TMEM14B: variants seen among roughly 807,000 people sequenced by gnomAD.
TMEM14B encodes the protein transmembrane protein 14B.
A neutral mutation model predicts 14.8 loss-of-function variants in TMEM14B; 9 were observed. The ratio of observed to expected loss-of-function variants is 0.61; its 90% CI spans 0.37 to 1.06. The LOEUF is 1.06. Among genes scored for constraint, TMEM14B ranks in the 50% least tolerant of loss-of-function variants. The probability of loss-of-function intolerance (pLI) is 0.01; values close to 1 mark genes in which losing one functional copy is unlikely to be tolerated. For synonymous variants in TMEM14B, 40 were observed against 51.3 expected (o/e 0.78, Z 0.94); for missense variants, 128 against 143.6 (o/e 0.89, Z 0.56).
downstream of TMEM14B, chr6:10,758,935 TG>T (rs34612100): frequency 7.5e-4 from 97 of 129,810 alleles, no homozygotes; most frequent in South Asian, 1.2e-3. Context: ...TTTTTTTTTT[TG>T]AGATGGAGTA....
At chr6:10,749,957 A>T (rs905885844) in intron 3 of TMEM14B, 1 of 528,530 alleles carries the variant, frequency 1.9e-6, no homozygotes, top group African/African-American at 1.9e-5. Flanking sequence ...GTAGTTTGTT[A>T]TTATCATTGA....
In TMEM14B at chr6:10,755,168, G is replaced by A; in HGVS notation, c.229G>A (p.Val77Ile). 1 of 1,614,066 alleles carries A rather than the reference G, an allele frequency of 6.2e-7. No homozygotes were observed. Among genetic ancestry groups the A allele is most frequent in the South Asian group, 1.1e-5 (1 of 91,080 alleles). Reference protein sequence around the residue: ...LAATSVTFVGVMGMRSYYYGK... With the variant: ...LAATSVTFVGIMGMRSYYYGK... ...CGCTACATCTGTTACTTTTGTTGGT[G>A]TTATGGGAATGAGATCCTACTACTA... The change falls in exon 5 of 6, where the codon GTT (valine) becomes ATT (isoleucine). Residue 77 changes from valine (V) to isoleucine (I), a missense_variant. Coordinates refer to ENST00000379542, the MANE Select transcript of TMEM14B (RefSeq NM_030969.5).
intron 4 of TMEM14B, among the ~76,000 whole-genome samples, chr6:10,753,336 G>A (rs1240216981): frequency 6.6e-6 from 1 of 152,050 alleles, no homozygotes; most frequent in African/African-American, 2.4e-5. Context: ...CTCTCCCTGA[G>A]GCTGCCAGTG....
chr6:10,751,378 G>C, intron 4 of TMEM14B, 144 bp downstream of exon 4: 1 of 879,180 alleles, frequency 1.1e-6, no homozygotes, highest in Non-Finnish European at 1.7e-6. Context: ...AGTCCTCAAA[G>C]TTTTAAAATA....
chr6:10,759,393 GA>G (rs1057404680), downstream of TMEM14B: 24 of 152,210 alleles, frequency 1.6e-4, no homozygotes, highest in Admixed American at 4.6e-4. Flanking sequence ...TGAGGCCTTT[GA>G]TATTACAAAG....
At chr6:10,749,576 A>G in intron 2 of TMEM14B, 46 bp from the exon 3 acceptor site, 1 of 1,606,970 alleles carries the variant, frequency 6.2e-7, no homozygotes, top group Non-Finnish European at 8.5e-7. Flanking sequence ...TTGTTTTTAA[A>G]TCCAGGTTAG....
chr6:10,758,717 G>T (rs1312476586), downstream of TMEM14B, among the ~76,000 whole-genome samples: 2 of 152,104 alleles, frequency 1.3e-5, no homozygotes, highest in Non-Finnish European at 2.9e-5. Context: ...CTTCACAAAG[G>T]AACCAACAGT....
At chr6:10,755,281 G>C (rs1771761466) in intron 5 of TMEM14B, 49 bp downstream of exon 5, 9 of 1,612,634 alleles carry the variant, frequency 5.6e-6, no homozygotes, top group Non-Finnish European at 7.6e-6. Flanking sequence ...TCAGTTTATT[G>C]CCCAGAATAC....
chr6:10,755,481 A>G (rs920493030), intron 5 of TMEM14B: 2 of 1,422,024 alleles, frequency 1.4e-6, no homozygotes, highest in Non-Finnish European at 1.8e-6. Flanking sequence ...TGGTGGCAGA[A>G]GTTTTATTGC....
At chr6:10,759,759 T>G (rs997659461), downstream of TMEM14B, 3 of 152,178 alleles carry the variant, frequency 2.0e-5, no homozygotes, top group South Asian at 2.1e-4. Context: ...AATAAAACTA[T>G]GTATGGGCCC....
chr6:10,756,583 T>C lies in TMEM14B; in HGVS notation c.*65T>C, dbSNP rs1771811249. The C allele has an allele frequency of 6.3e-7, 1 of 1,585,598 alleles. No individual in the cohort carries two copies. The highest frequency in any genetic ancestry group is 1.2e-5 in the South Asian group (1 of 86,090). ...AATCTGCATCTTCCACTATTTTCAA[T>C]GTATTAAGAGAAATAAGTGCAGCAT... is the stretch of plus-strand genomic sequence containing the variant. On this transcript the variant is annotated 3_prime_UTR_variant, in exon 6 of 6. Coordinates refer to ENST00000379542, the MANE Select transcript of TMEM14B (RefSeq NM_030969.5).
chr6:10,749,689 G>A lies in TMEM14B; in HGVS notation c.91G>A (p.Val31Ile). ...LVVSGGIVGYVKTGSVPSLAA... is the reference protein window; with the variant it reads ...LVVSGGIVGYIKTGSVPSLAA... ...TGTTTCTGGTGGGATCGTTGGCTAT[G>A]TAAAAACAGGTAGGGTTTTGTTGTT... The change falls in exon 3 of 6, where the codon GTA becomes ATA. Residue 31 changes from valine to isoleucine, a missense_variant. Val to Ile is a conservative substitution (Grantham distance 29). Transcript: ENST00000379542. 6.2e-7 allele frequency: 1 copy of A among 1,614,180 alleles called. No individual in the cohort carries two copies. Among genetic ancestry groups the A allele is most frequent in the Non-Finnish European group, 8.5e-7 (1 of 1,180,022 alleles).
chr6:10,755,399 A>T, intron 5 of TMEM14B, 167 bp downstream of exon 5: 1 of 1,509,254 alleles, frequency 6.6e-7, no homozygotes, highest in Non-Finnish European at 8.8e-7. Flanking sequence ...AGTTGATTTA[A>T]TGTCAAATGA....
intron 4 of TMEM14B, among the ~76,000 whole-genome samples, chr6:10,753,676 C>T (rs983641745): frequency 6.6e-6 from 1 of 151,936 alleles, no homozygotes. Flanking sequence ...GGAATCTGCC[C>T]GGACCTAACC....
chr6:10,758,103 A>G (rs1274003195), downstream of TMEM14B, among the ~76,000 whole-genome samples: 1 of 152,128 alleles, frequency 6.6e-6, no homozygotes, highest in African/African-American at 2.4e-5. Context: ...TGGTGGTCCT[A>G]GTTTTCCATC....
At chr6:10,752,825 G>A (rs1771644300) in intron 4 of TMEM14B, 1 of 152,212 alleles carries the variant, frequency 6.6e-6, no homozygotes, top group Non-Finnish European at 1.5e-5. Flanking sequence ...CGAAGGTGGG[G>A]TGGTAGTCTC....
intron 1 of TMEM14B, 92 bp from the exon 2 acceptor site, chr6:10,749,110 T>TA: frequency 2.6e-6 from 2 of 781,980 alleles, no homozygotes; most frequent in South Asian, 3.0e-5. Context: ...TACTGAGACT[T>TA]AGGTTGCATA....
chr6:10,749,198 C>T lies in TMEM14B; in HGVS notation c.-44-4C>T. The T allele has an allele frequency of 6.2e-7, 1 of 1,610,428 alleles. No individual in the cohort carries two copies. On this transcript the variant is annotated splice_polypyrimidine_tract_variant and splice_region_variant and intron_variant, in intron 1 of 5. Transcript: ENST00000379542. Reference sequence around the variant, plus strand: ...CCACTGCTGATCCGGCTTGTTTTCCCCAGATGCAGGCCTGGGGTAGTCTCC... The same window carrying T: ...CCACTGCTGATCCGGCTTGTTTTCCTCAGATGCAGGCCTGGGGTAGTCTCC...
intron 2 of TMEM14B, 57 bp downstream of exon 2, chr6:10,749,325 CT>C: frequency 6.3e-7 from 1 of 1,596,960 alleles, no homozygotes; most frequent in Non-Finnish European, 8.6e-7. Context: ...ACCAGAGTTC[CT>C]TTCCTCAGCT....
Sources: allele counts gnomAD v4.1 joint callset (sites outside exome capture counted in the v4.1 genomes callset), GRCh38; gene constraint gnomAD v4.1.1; transcripts MANE v1.5; gene names NCBI Gene and HGNC (gene_info 2026-07-23, HGNC 2026-07-21).